GBF1: variants seen among roughly 807,000 people sequenced by gnomAD.
The protein encoded by GBF1 is Golgi-specific brefeldin A-resistance guanine nucleotide exchange factor 1.
In GBF1, 114 loss-of-function variants were observed where a neutral mutation model predicts 210.5. That is an observed-to-expected ratio of 0.54 (90% CI 0.47 to 0.63). The LOEUF (loss-of-function observed/expected upper bound fraction) is 0.63. Ranked by LOEUF, GBF1 falls within the 30% of genes least tolerant of loss-of-function variation. The probability of loss-of-function intolerance (pLI) is 0.00; values close to 1 mark genes in which losing one functional copy is unlikely to be tolerated. For missense variants in GBF1, 1,851 were observed against 2,357.7 expected, an observed-to-expected ratio of 0.79 and a Z score of 4.45; for synonymous variants, 850 against 889.2, an observed-to-expected ratio of 0.96 and a Z score of 0.78.
In GBF1 at chr10:102,379,531, C is replaced by T; in HGVS notation, c.4656C>T (p.Cys1552=). ...CWCPLLQGIA[C]LCCDARRQVR... The stretch of plus-strand genomic sequence containing the variant: ...TGCTCTTGCTCTCAGGTATTGCCTG[C>T]CTGTGCTGCGATGCCCGGCGCCAGG... Residue 1552 remains cysteine, a synonymous_variant, in exon 35 of 40, where the codon TGC becomes TGT. Coordinates refer to ENST00000369983, the MANE Select transcript of GBF1 (RefSeq NM_001377137.1). 1 of 1,614,148 alleles carries T rather than the reference C, an allele frequency of 6.2e-7. No individual in the cohort carries two copies. The highest frequency in any genetic ancestry group is 8.5e-7 in the Non-Finnish European group (1 of 1,180,026).
chr10:102,360,157 T>A, intron 11 of GBF1, 27 bp from the exon 12 acceptor site: 1 of 1,463,466 alleles, frequency 6.8e-7, no homozygotes, highest in Non-Finnish European at 9.6e-7. Flanking sequence ...TTTATAGCAG[T>A]CTCACTCTCC....
At chr10:102,362,739 C>G in intron 15 of GBF1, 75 bp downstream of exon 15, 1 of 1,168,162 alleles carries the variant, frequency 8.6e-7, no homozygotes, top group Non-Finnish European at 1.3e-6. Context: ...GTCGTTTTTC[C>G]TGTCCCCATA....
intron 3 of GBF1, among the ~76,000 whole-genome samples, chr10:102,312,220 G>T (rs973979939): frequency 6.6e-6 from 1 of 151,972 alleles, no homozygotes; most frequent in Non-Finnish European, 1.5e-5. Context: ...TTGAACCTCG[G>T]GGGTGGAGGT....
At chr10:102,253,595 C>T (rs1347029335) in intron 1 of GBF1, among the ~76,000 whole-genome samples, 1 of 152,042 alleles carries the variant, frequency 6.6e-6, no homozygotes, top group African/African-American at 2.4e-5. Flanking sequence ...CTCACTGCAG[C>T]CTTGACCTCC....
intron 4 of GBF1, among the ~76,000 whole-genome samples, chr10:102,348,007 G>A (rs911683907): frequency 2.6e-5 from 4 of 152,094 alleles, no homozygotes; most frequent in Non-Finnish European, 5.9e-5. Context: ...TGTGATCTTG[G>A]CTCACTGCAA....
intron 3 of GBF1, among the ~76,000 whole-genome samples, chr10:102,302,949 T>C (rs2077513252): frequency 6.6e-6 from 1 of 152,146 alleles, no homozygotes; most frequent in African/African-American, 2.4e-5. Flanking sequence ...TTTCAAGAGT[T>C]TTAGCTTTTA....
chr10:102,238,326 C>T, the GBF1 span, among the ~76,000 whole-genome samples: 1 of 152,326 alleles, frequency 6.6e-6, no homozygotes, highest in South Asian at 2.1e-4. Flanking sequence ...CACCACAAGT[C>T]AGCTCTAGCC....
intron 3 of GBF1, among the ~76,000 whole-genome samples, chr10:102,273,698 T>G (rs2074654456): frequency 6.6e-6 from 1 of 152,246 alleles, no homozygotes; most frequent in South Asian, 2.1e-4. Context: ...GGATTCTTCA[T>G]CCCTATCAAC....
the GBF1 span, chr10:102,232,157 A>G: frequency 1.1e-6 from 1 of 897,008 alleles, no homozygotes. Context: ...GCTAGGTCCC[A>G]GCAGCGTTTC....
At chr10:102,297,393 G>A (rs1589535198) in intron 3 of GBF1, among the ~76,000 whole-genome samples, 1 of 152,304 alleles carries the variant, frequency 6.6e-6, no homozygotes, top group East Asian at 1.9e-4. Flanking sequence ...GATTCAGGCA[G>A]TTTTGTTTTA....
At chr10:102,244,373 A>G (rs1447736999), upstream of GBF1, among the ~76,000 whole-genome samples, 7 of 152,300 alleles carry the variant, frequency 4.6e-5, no homozygotes, top group East Asian at 1.3e-3. Context: ...TAGTGTCCCA[A>G]ATAGGCTGGG....
intron 30 of GBF1, 109 bp from the exon 31 acceptor site, chr10:102,376,161 CAG>C: frequency 2.6e-6 from 2 of 773,966 alleles, no homozygotes; most frequent in South Asian, 1.7e-5. Context: ...TAAACTATGC[CAG>C]AGAGAGGGGA....
intron 3 of GBF1, among the ~76,000 whole-genome samples, chr10:102,294,773 A>G (rs1177157356): frequency 6.6e-6 from 1 of 152,200 alleles, no homozygotes; most frequent in Admixed American, 6.5e-5. Flanking sequence ...AGTGTATAGT[A>G]TTCAATACAG....
At chr10:102,256,866 C>G (rs1217948058) in intron 1 of GBF1, among the ~76,000 whole-genome samples, 1 of 152,116 alleles carries the variant, frequency 6.6e-6, no homozygotes, top group Non-Finnish European at 1.5e-5. Context: ...AAGTGAGACC[C>G]CATCTCTACA....
At chr10:102,331,851 ATTTTTTTTTTTTTTT>A (rs869198412) in intron 3 of GBF1, among the ~76,000 whole-genome samples, 1 of 85,320 alleles carries the variant, frequency 1.2e-5, no homozygotes, top group Non-Finnish European at 2.2e-5. Flanking sequence ...TACCTGGCTA[ATTTTTTTTTTTTTTT>A]TTTTTTTTTT....
At chr10:102,343,924 A>C (rs1410086270) in intron 3 of GBF1, 127 bp from the exon 4 acceptor site, 1 of 662,132 alleles carries the variant, frequency 1.5e-6, no homozygotes, top group Non-Finnish European at 2.7e-6. Context: ...GATTCAAGGT[A>C]ATCCAGAGGG....
At chr10:102,333,838 A>G (rs892343146) in intron 3 of GBF1, among the ~76,000 whole-genome samples, 10 of 152,172 alleles carry the variant, frequency 6.6e-5, no homozygotes, top group Non-Finnish European at 1.5e-4. Flanking sequence ...TGACTTTTGC[A>G]AGAAATATAT....
At chr10:102,347,166 A>G (rs1463549137) in intron 4 of GBF1, among the ~76,000 whole-genome samples, 1 of 152,222 alleles carries the variant, frequency 6.6e-6, no homozygotes, top group African/African-American at 2.4e-5. Flanking sequence ...GAGACAAGAA[A>G]AGATAAGGCT....
chr10:102,368,109 G>A (rs939256348), intron 21 of GBF1, 109 bp from the exon 22 acceptor site: 1 of 742,876 alleles, frequency 1.3e-6, no homozygotes, highest in Non-Finnish European at 2.4e-6. Flanking sequence ...CTGCAGTTCT[G>A]ATGACCTCTC....
Sources: allele counts gnomAD v4.1 joint callset (sites outside exome capture counted in the v4.1 genomes callset), GRCh38; gene constraint gnomAD v4.1.1; transcripts MANE v1.5; gene names NCBI Gene and HGNC (gene_info 2026-07-23, HGNC 2026-07-21).